Variants in MACROD1 observed in about 807,000 individuals in gnomAD.
MACROD1 encodes the protein mono-ADP ribosylhydrolase 1, also known as ADP-ribose glycohydrolase MACROD1.
In MACROD1, 31 loss-of-function variants were observed where a neutral mutation model predicts 41.4. The observed-to-expected ratio is 0.75, with a 90% CI of 0.56 to 1.01. MACROD1 has a LOEUF of 1.01. MACROD1 is among the 50% of genes least tolerant of loss of function. The pLI is 0.00. For missense variants in MACROD1, 473 were observed against 460.0 expected (o/e 1.03, Z -0.26); for synonymous variants, 252 against 203.4 (o/e 1.24, Z -2.03).
chr11:64,022,201 G>A (rs758263019), intron 3 of MACROD1, among the ~76,000 whole-genome samples: 6 of 151,994 alleles, frequency 3.9e-5, no homozygotes, highest in African/African-American at 9.7e-5. Context: ...GGGATGAACC[G>A]CACAGGGAAG....
intron 3 of MACROD1, among the ~76,000 whole-genome samples, chr11:64,079,397 C>T (rs1304174470): frequency 1.4e-5 from 2 of 138,570 alleles, no homozygotes; most frequent in African/African-American, 2.7e-5. Context: ...GGAAGGGGGT[C>T]GTTGGGGATG....
intron 3 of MACROD1, chr11:64,138,506 CA>C: frequency 1.0e-6 from 1 of 985,416 alleles, no homozygotes; most frequent in Non-Finnish European, 1.2e-6. Context: ...TCTTGCTTTT[CA>C]AAAGGGATGT....
intron 3 of MACROD1, among the ~76,000 whole-genome samples, chr11:64,027,492 T>C (rs1304149848): frequency 2.0e-5 from 3 of 152,120 alleles, no homozygotes; most frequent in Non-Finnish European, 2.9e-5. Context: ...AAGGATGCGA[T>C]TGGCTCAGAA....
intron 1 of MACROD1, among the ~76,000 whole-genome samples, chr11:64,157,842 A>C (rs1032876363): frequency 6.6e-6 from 1 of 152,208 alleles, no homozygotes; most frequent in South Asian, 2.1e-4. Flanking sequence ...GGCTCCCAGA[A>C]TGCAGCGGCA....
rs189216714 is a variant in MACROD1, at chr11:64,046,587, C to T, written c.518-31306G>A. Among the ~76,000 whole-genome samples, 736 of 152,192 alleles carry T rather than the reference C, an allele frequency of 4.8e-3. 4 individuals are homozygous for T. The highest frequency in any genetic ancestry group is 8.9e-3 in the Admixed American group (136 of 15,292). On this transcript the variant is annotated intron_variant, in intron 3 of 10. Coordinates refer to ENST00000255681, the MANE Select transcript of MACROD1 (RefSeq NM_014067.4). ...TCTTTTTGAGACGGAGTTTTGTTCTCGTCGCTCAGGCTAGAGGACAAGATC... is the reference window on the plus strand; with the variant it reads ...TCTTTTTGAGACGGAGTTTTGTTCTTGTCGCTCAGGCTAGAGGACAAGATC...
intron 3 of MACROD1, among the ~76,000 whole-genome samples, chr11:64,086,613 T>A (rs1565225986): frequency 6.6e-6 from 1 of 152,158 alleles, no homozygotes. Context: ...GGGGTGCTTT[T>A]TCCGGCCCCT....
Position 64,000,325 on chromosome 11 carries a change from C to T in MACROD1, c.566G>A (p.Arg189Gln). ...GTCGGTAAGCAGGGGGCCGGCGGCC[C>T]GATGAATGCAGCCGTCCACTGCGGG... ...GGGGVDGCIH[R>Q]AAGPLLTDEC... The change falls in exon 5 of 11, where the codon CGG becomes CAG. Residue 189 changes from arginine to glutamine, a missense_variant. Physicochemically the swap from Arg to Gln is conservative, Grantham distance 43 (BLOSUM62 1). Coordinates refer to ENST00000255681, the MANE Select transcript of MACROD1 (RefSeq NM_014067.4). The T allele has an allele frequency of 6.3e-7, 1 of 1,586,154 alleles. No homozygotes were observed. Among genetic ancestry groups the T allele is most frequent in the South Asian group, 1.1e-5 (1 of 87,150 alleles).
intron 4 of MACROD1, among the ~76,000 whole-genome samples, chr11:64,011,166 G>C (rs1440616674): frequency 1.3e-5 from 2 of 148,608 alleles, no homozygotes; most frequent in Non-Finnish European, 3.0e-5. Context: ...TAGGATGCTG[G>C]TTGGCATGTT....
intron 3 of MACROD1, among the ~76,000 whole-genome samples, chr11:64,028,988 C>G (rs1394058715): frequency 6.6e-6 from 1 of 152,196 alleles, no homozygotes; most frequent in Non-Finnish European, 1.5e-5. Context: ...AGCTCTGCAG[C>G]CCCAGGACTC....
intron 3 of MACROD1, among the ~76,000 whole-genome samples, chr11:64,137,410 A>G (rs1169615673): frequency 6.6e-6 from 1 of 152,196 alleles, no homozygotes; most frequent in Non-Finnish European, 1.5e-5. Flanking sequence ...GGAAAAATGA[A>G]GAAAAAAGGC....
intron 3 of MACROD1, among the ~76,000 whole-genome samples, chr11:64,052,265 AAC>A (rs1217593212): frequency 2.0e-5 from 3 of 152,092 alleles, no homozygotes; most frequent in Admixed American, 2.0e-4. Context: ...GGGGAAAAAA[AAC>A]AACTTTTTTT....
At chr11:64,056,814 G>C (rs1030155446) in intron 3 of MACROD1, among the ~76,000 whole-genome samples, 5 of 152,116 alleles carry the variant, frequency 3.3e-5, no homozygotes, top group African/African-American at 1.2e-4. Context: ...CTGGTGCAAG[G>C]CCTGTCCCAC....
intron 3 of MACROD1, chr11:64,116,070 G>A: frequency 1.4e-6 from 1 of 739,884 alleles, no homozygotes; most frequent in South Asian, 2.2e-5. Flanking sequence ...CTGGCACAAA[G>A]GCCACTCCTC....
rs529380806 is a variant in MACROD1, at chr11:64,065,526, A to C, written c.518-50245T>G. 3.3e-5 allele frequency among the ~76,000 whole-genome samples: 5 copies of C among 152,294 alleles called. No homozygotes were observed. The South Asian group carries it at 8.3e-4, about 25-fold the overall frequency. ...AACAAGGGGCCAGGCGCGGTGGCTC[A>C]TGCCTGTAATCCCAGCACTTTGGGA... On this transcript the variant is annotated intron_variant, in intron 3 of 10. Coordinates refer to ENST00000255681, the MANE Select transcript of MACROD1 (RefSeq NM_014067.4).
intron 3 of MACROD1, among the ~76,000 whole-genome samples, chr11:64,080,406 T>A (rs1208478134): frequency 1.3e-5 from 2 of 152,190 alleles, no homozygotes; most frequent in Non-Finnish European, 2.9e-5. Flanking sequence ...ACGTGTAGAA[T>A]TCAGCGGGTT....
Position 63,999,029 on chromosome 11 carries a change from C to T in MACROD1, c.899G>A (p.Arg300Gln), listed in dbSNP as rs746424605. 8.1e-6 allele frequency: 13 copies of T among 1,603,982 alleles called. No homozygotes were observed. In the South Asian group the frequency reaches 1.3e-4, roughly 17 times the overall value. ...WLEQHKDKVDRLIICVFLEKD... is the reference protein window; with the variant it reads ...WLEQHKDKVDQLIICVFLEKD... Reference sequence around the variant, plus strand: ...CTCGAGGAACACGCAGATGATCAGCCGGTCCACCTGCGCCAGGGGCTGCTC... The same window carrying T: ...CTCGAGGAACACGCAGATGATCAGCTGGTCCACCTGCGCCAGGGGCTGCTC... Residue 300 changes from arginine to glutamine, a missense_variant, in exon 9 of 11, where the codon CGG (arginine) becomes CAG (glutamine). Transcript: ENST00000255681.
At chr11:64,164,985 C>T (rs899747225) in intron 1 of MACROD1, among the ~76,000 whole-genome samples, 2 of 152,234 alleles carry the variant, frequency 1.3e-5, no homozygotes, top group Non-Finnish European at 2.9e-5. Context: ...AGGGTGTCAT[C>T]AGTTGTCACA....
At chr11:64,034,717 C>T (rs1943341951) in intron 3 of MACROD1, among the ~76,000 whole-genome samples, 1 of 152,188 alleles carries the variant, frequency 6.6e-6, no homozygotes, top group African/African-American at 2.4e-5. Flanking sequence ...CCCCAGGCCT[C>T]GATGGACAGC....
At chr11:64,013,911 C>T (rs1015256687) in intron 4 of MACROD1, among the ~76,000 whole-genome samples, 6 of 152,172 alleles carry the variant, frequency 3.9e-5, no homozygotes, top group Non-Finnish European at 5.9e-5. Flanking sequence ...GGAGGCACCA[C>T]CTCCTTCTAG....
Sources: allele counts gnomAD v4.1 joint callset (sites outside exome capture counted in the v4.1 genomes callset), GRCh38; gene constraint gnomAD v4.1.1; transcripts MANE v1.5; gene names NCBI Gene and HGNC (gene_info 2026-07-23, HGNC 2026-07-21).